The following ASAP3 variants were observed in gnomAD, a reference collection of about 807,000 sequenced individuals.
ASAP3 encodes ArfGAP with SH3 domain, ankyrin repeat and PH domain 3, also known as arf-GAP with SH3 domain, ANK repeat and PH domain-containing protein 3.
ASAP3 carries 85 observed loss-of-function variants against 118.2 expected under a neutral mutation model. The observed-to-expected ratio is 0.72, with a 90% CI of 0.60 to 0.86. ASAP3 has a LOEUF of 0.86. ASAP3 is among the 40% of genes least tolerant of loss of function. ASAP3 has a pLI of 0.00. For missense variants in ASAP3, 1,026 were observed against 1,175.0 expected (o/e 0.87, Z 1.85); for synonymous variants, 432 against 477.4 (o/e 0.90, Z 1.24).
chr1:23,443,943 G>T (rs1383290574), intron 5 of ASAP3, among the ~76,000 whole-genome samples: 1 of 152,050 alleles, frequency 6.6e-6, no homozygotes, highest in Non-Finnish European at 1.5e-5. Flanking sequence ...GGATGGTCTT[G>T]ATCTCCTGAC....
chr1:23,431,825 A>G lies in ASAP3; in HGVS notation c.2417T>C (p.Leu806Ser). ...PASSSSLMSP[L>S]EPGDPSQAPP... ...GGCTTGGCTGGGATCCCCAGGTTCC[A>G]AGGGGCTCATCAGACTGGAGGAGGA... The change falls in exon 23 of 25, where the codon TTG becomes TCG. Residue 806 changes from leucine (L) to serine (S), a missense_variant. Physicochemically the swap from Leu to Ser is moderately radical, Grantham distance 145. Coordinates refer to ENST00000336689, the MANE Select transcript of ASAP3 (RefSeq NM_017707.4). 1 of 1,572,830 alleles carries G rather than the reference A, an allele frequency of 6.4e-7. No individual in the cohort carries two copies. The highest frequency in any genetic ancestry group is 1.2e-5 in the South Asian group (1 of 84,526).
chr1:23,443,887 A>G (rs572595163), intron 5 of ASAP3, among the ~76,000 whole-genome samples: 1 of 151,788 alleles, frequency 6.6e-6, no homozygotes, highest in East Asian at 1.9e-4. Flanking sequence ...TGCCTGGCTA[A>G]TTTTTTTGTA....
rs564555503 is a variant in ASAP3 at position 23,465,509 on chromosome 1, T to G, written c.130-9315A>C. Among the ~76,000 whole-genome samples the G allele has an allele frequency of 8.6e-5, 13 of 152,022 alleles. No individual in the cohort carries two copies. In the East Asian group the frequency reaches 2.5e-3, roughly 29 times the overall value. ...ACTTTTTTTCTTTTTTTTCTTTCTT[T>G]TTTTTTGGGGGGGGGATAGACTCTC... On this transcript the variant is annotated intron_variant, in intron 1 of 24. Coordinates refer to ENST00000336689, the MANE Select transcript of ASAP3 (RefSeq NM_017707.4).
rs1045295491 is a variant in ASAP3 at position 23,455,526 on chromosome 1, A to C, written c.348+355T>G. Among the ~76,000 whole-genome samples the C allele has an allele frequency of 3.9e-5, 6 of 152,280 alleles. No homozygotes were observed. In the South Asian group the frequency reaches 1.2e-3, roughly 32 times the overall value. The stretch of plus-strand genomic sequence containing the variant: ...AGGCGGTGGCAGCGGTGGTGGTGGC[A>C]GTGGCAGCAGTAGTGGTATAAAGGT... On this transcript the variant is annotated intron_variant, in intron 3 of 24. Coordinates refer to ENST00000336689, the MANE Select transcript of ASAP3 (RefSeq NM_017707.4).
At chr1:23,477,858 A>G (rs1642183559) in intron 1 of ASAP3, among the ~76,000 whole-genome samples, 1 of 152,134 alleles carries the variant, frequency 6.6e-6, no homozygotes, top group African/African-American at 2.4e-5. Context: ...GCATTCAGGC[A>G]TAAGCCACTG....
intron 1 of ASAP3, among the ~76,000 whole-genome samples, chr1:23,482,105 G>C (rs1446695520): frequency 2.6e-5 from 4 of 152,216 alleles, no homozygotes; most frequent in African/African-American, 9.7e-5. Context: ...GTGCAAAGTA[G>C]TAGGCTAGGC....
At chr1:23,459,685 G>A (rs1054579755) in intron 1 of ASAP3, among the ~76,000 whole-genome samples, 1 of 152,242 alleles carries the variant, frequency 6.6e-6, no homozygotes, top group African/African-American at 2.4e-5. Context: ...GGCAGAAGAG[G>A]AAGAGTGGTG....
intron 24 of ASAP3, among the ~76,000 whole-genome samples, chr1:23,430,571 T>C (rs1231701583): frequency 6.6e-6 from 1 of 152,206 alleles, no homozygotes; most frequent in East Asian, 1.9e-4. Context: ...AAACAAGGGC[T>C]GGTACACGGC....
chr1:23,437,109 GCCCCGGC>G lies in ASAP3; in HGVS notation c.1342+14_1342+20del. 1 of 1,600,690 alleles carries G rather than the reference GCCCCGGC, an allele frequency of 6.2e-7. No individual in the cohort carries two copies. The highest frequency in any genetic ancestry group is 1.1e-5 in the South Asian group (1 of 89,144). On this transcript the variant is annotated intron_variant, in intron 14 of 24. Transcript: ENST00000336689. This position sits in a 1 kb window ranked among gnomAD's most constrained non-coding sequence, Gnocchi z 6.1. ...TCCCCTCCACTTAAGCCTCCCTCCT[GCCCCGGC>G]CCCGGGGACCGACCTGCAGCCCCGC...
intron 5 of ASAP3, among the ~76,000 whole-genome samples, chr1:23,445,926 G>A (rs562301720): frequency 2.6e-5 from 4 of 152,120 alleles, no homozygotes; most frequent in East Asian, 1.9e-4. Flanking sequence ...AGGCTGCAGT[G>A]AGCCATGATT....
upstream of ASAP3, chr1:23,484,208 C>A (rs1570431208): frequency 5.8e-6 from 7 of 1,204,960 alleles, no homozygotes; most frequent in African/African-American, 1.6e-5. Flanking sequence ...CCGGCCTCAC[C>A]GCCGGCCGGG....
At chr1:23,451,259 G>A (rs1202494254) in intron 5 of ASAP3, among the ~76,000 whole-genome samples, 1 of 152,186 alleles carries the variant, frequency 6.6e-6, no homozygotes, top group Non-Finnish European at 1.5e-5. Flanking sequence ...GACTCTGAGA[G>A]CAGCATCCTG....
chr1:23,480,944 G>A (rs981104924), intron 1 of ASAP3, among the ~76,000 whole-genome samples: 8 of 152,210 alleles, frequency 5.3e-5, no homozygotes, highest in Non-Finnish European at 1.0e-4. Context: ...AAGGTAAGCA[G>A]GGAGTGATTA....
intron 1 of ASAP3, among the ~76,000 whole-genome samples, chr1:23,468,708 C>G (rs1641860827): frequency 7.4e-6 from 1 of 135,670 alleles, no homozygotes; most frequent in Non-Finnish European, 1.6e-5. Flanking sequence ...AACCCTATCT[C>G]TACTAAAAAT....
intron 1 of ASAP3, among the ~76,000 whole-genome samples, chr1:23,478,243 T>A (rs1322255512): frequency 6.6e-6 from 1 of 152,298 alleles, no homozygotes; most frequent in East Asian, 1.9e-4. Context: ...GGTGGGTGGA[T>A]CACCTGAGGT....
rs1553171320 is a variant in ASAP3, at chr1:23,431,097, C to G, written c.2575G>C (p.Gly859Arg). ...SSESTRSYRR[G>R]ARSPEDGPSA... ...GGACCATCTTCAGGGCTCCGCGCCC[C>G]CCGCCGATAGGAGCGAGTGCTCTCG... The change falls in exon 24 of 25, where the codon GGG becomes CGG. Residue 859 changes from glycine to arginine, a missense_variant. Gly to Arg is a moderately radical substitution (Grantham distance 125). Coordinates refer to ENST00000336689, the MANE Select transcript of ASAP3 (RefSeq NM_017707.4). The G allele has an allele frequency of 4.5e-6, 7 of 1,568,928 alleles. No individual in the cohort carries two copies. Among genetic ancestry groups the G allele is most frequent in the South Asian group, 3.5e-5 (3 of 85,416 alleles).
At chr1:23,484,203 C>G (rs1033474347), upstream of ASAP3, 8 of 1,208,608 alleles carry the variant, frequency 6.6e-6, no homozygotes, top group East Asian at 2.7e-4. Flanking sequence ...CTGAGCCGGC[C>G]TCACCGCCGG....
chr1:23,442,009 T>C (rs1167839651), intron 7 of ASAP3, among the ~76,000 whole-genome samples, 177 bp downstream of exon 7: 3 of 152,066 alleles, frequency 2.0e-5, no homozygotes, highest in Non-Finnish European at 2.9e-5. Flanking sequence ...ATTGAGCGAA[T>C]TGATGTTTGT....
At position 23,437,361 on chromosome 1, in the gene ASAP3, G is replaced by T; in HGVS notation, c.1152-41C>A. 6.2e-7 allele frequency: 1 copy of T among 1,609,774 alleles called. No individual in the cohort carries two copies. Among genetic ancestry groups the T allele is most frequent in the Non-Finnish European group, 8.5e-7 (1 of 1,177,414 alleles). The stretch of plus-strand genomic sequence containing the variant: ...GGGGTGGGATGGGGATGTCAAGTGG[G>T]AAGAGATAGGGCCGCCGGCCCCCAC... On this transcript the variant is annotated intron_variant, in intron 13 of 24. Transcript: ENST00000336689. The surrounding 1 kb of genome is among the most constrained non-coding windows in gnomAD (Gnocchi z 6.1).
Sources: allele counts gnomAD v4.1 joint callset (sites outside exome capture counted in the v4.1 genomes callset), GRCh38; gene constraint gnomAD v4.1.1; non-coding constraint Gnocchi (gnomAD v3.1); transcripts MANE v1.5; gene names NCBI Gene and HGNC (gene_info 2026-07-23, HGNC 2026-07-21).